TMEM184A: variants seen among roughly 807,000 people sequenced by gnomAD.
TMEM184A encodes sexually dimorphic, expressed in male gonads 1.
A neutral mutation model predicts 39.5 loss-of-function variants in TMEM184A; 40 were observed. The ratio of observed to expected loss-of-function variants is 1.01; its 90% confidence interval spans 0.79 to 1.32. TMEM184A has a LOEUF of 1.32. TMEM184A is among the 40% of genes most tolerant of loss of function. The probability of loss-of-function intolerance (pLI) is 0.00; values close to 1 mark genes in which losing one functional copy is unlikely to be tolerated. For synonymous variants in TMEM184A, 280 were observed against 252.3 expected, an observed-to-expected ratio of 1.11 and a Z score of -1.04; for missense variants, 603 against 568.8, an observed-to-expected ratio of 1.06 and a Z score of -0.61.
At position 1,551,268 on chromosome 7, in the gene TMEM184A, TGGGCGCAGGA is replaced by T. The variant is rs1408156763; in HGVS notation, c.220-296_220-287del. ...AGGTGAGCCGGGAAGGAGGTGGGGGTGGGCGCAGGAGGGTTCGGGTGAGAGCCAGGTCCGC... is the reference window on the plus strand; with the variant it reads ...AGGTGAGCCGGGAAGGAGGTGGGGGTGGGTTCGGGTGAGAGCCAGGTCCGC... On this transcript the variant is annotated intron_variant, in intron 2 of 8. Transcript: ENST00000297477. Among the ~76,000 whole-genome samples the T allele has an allele frequency of 3.8e-4, 39 of 101,488 alleles. 1 individual carries two copies. The highest frequency in any genetic ancestry group is 1.3e-3 in the African/African-American group (34 of 25,738). 66.6% of individuals were successfully genotyped at this position (101,488 alleles called of 152,430 possible). A position where few individuals can be genotyped will look rare whatever the true frequency, so the allele number is the denominator to read the frequency against.
chr7:1,554,062 C>A (rs551897958), intron 2 of TMEM184A, among the ~76,000 whole-genome samples: 1 of 152,110 alleles, frequency 6.6e-6, no homozygotes. Context: ...GGGCCTGCCT[C>A]GGCACTGCCT....
Position 1,548,608 on chromosome 7 carries a change from T to C in TMEM184A, c.725A>G (p.Tyr242Cys), listed in dbSNP as rs1406186491. ...SLALYALFLF[Y>C]FTTRELLRPF... ...CCGCAGGAGCTCCCTGGTGGTGAAGTAGAAGAGGAACAGGGCGTAGAGGGC... is the reference window on the plus strand; with the variant it reads ...CCGCAGGAGCTCCCTGGTGGTGAAGCAGAAGAGGAACAGGGCGTAGAGGGC... Residue 242 changes from tyrosine to cysteine, a missense_variant, in exon 7 of 9, where the codon TAC becomes TGC. By Grantham distance (194) the Tyr-to-Cys change is radical. Coordinates refer to ENST00000297477, the MANE Select transcript of TMEM184A (RefSeq NM_001097620.2). 1.9e-6 allele frequency: 3 copies of C among 1,613,632 alleles called. No homozygotes were observed. Among genetic ancestry groups the C allele is most frequent in the African/African-American group, 1.3e-5 (1 of 74,844 alleles).
intron 6 of TMEM184A, 104 bp from the exon 7 acceptor site, chr7:1,548,792 C>CT: frequency 3.1e-5 from 42 of 1,370,758 alleles, no homozygotes; most frequent in Non-Finnish European, 4.3e-5. Flanking sequence ...CCACCCTGAG[C>CT]TTGGGAGCAT....
rs1416415519 is a variant in TMEM184A at position 1,547,188 on chromosome 7, G to A, written c.1013-7C>T. 2 of 1,542,896 alleles carry A rather than the reference G, an allele frequency of 1.3e-6. No individual in the cohort carries two copies. Among genetic ancestry groups the A allele is most frequent in the South Asian group, 1.1e-5 (1 of 89,024 alleles). On this transcript the variant is annotated splice_polypyrimidine_tract_variant and splice_region_variant and intron_variant, in intron 8 of 8. Transcript: ENST00000297477. ...TGCATGGGTGCCGGGGGGGCTGGGG[G>A]AGGGCAGTGTATGAGCCCCACCATC... is the stretch of plus-strand genomic sequence containing the variant.
At chr7:1,547,250 C>A in intron 8 of TMEM184A, 69 bp from the exon 9 acceptor site, 1 of 884,104 alleles carries the variant, frequency 1.1e-6, no homozygotes, top group East Asian at 2.5e-5. Flanking sequence ...AGTCCCCTCC[C>A]AGGATGCCCA....
chr7:1,548,053 T>A (rs1439195330), intron 7 of TMEM184A, 114 bp from the exon 8 acceptor site: 15 of 1,185,566 alleles, frequency 1.3e-5, no homozygotes, highest in Non-Finnish European at 1.8e-5. Context: ...GTCCGTGTAG[T>A]CTCGTCCCAC....
chr7:1,555,307 C>A lies in TMEM184A; in HGVS notation c.178G>T (p.Gly60Trp). The A allele has an allele frequency of 6.2e-7, 1 of 1,607,762 alleles. No individual in the cohort carries two copies. The part of the protein sequence containing the change: ...LTSALARGVS[G>W]IFVWTALVLT... ...ACCAGGGCAGTCCACACGAAGATCC[C>A]CGAGACGCCTCGGGCCAGTGCGGAG... The change falls in exon 2 of 9, where the codon GGG becomes TGG. Residue 60 changes from glycine to tryptophan, a missense_variant. Coordinates refer to ENST00000297477, the MANE Select transcript of TMEM184A (RefSeq NM_001097620.2). This position sits in a 1 kb window ranked among gnomAD's most constrained non-coding sequence, Gnocchi z 5.2.
In TMEM184A at chr7:1,546,819, G is replaced by C; in HGVS notation, c.*133C>G. 1 of 615,044 alleles carries C rather than the reference G, an allele frequency of 1.6e-6. No homozygotes were observed. Among genetic ancestry groups the C allele is most frequent in the South Asian group, 2.3e-5 (1 of 44,092 alleles). The allele number at this position is 615,044 out of a possible 1,614,324, so 38.1% of individuals were successfully genotyped here. A position where few individuals can be genotyped will look rare whatever the true frequency, so the allele number is the denominator to read the frequency against. On this transcript the variant is annotated 3_prime_UTR_variant, in exon 9 of 9. Transcript: ENST00000297477. The stretch of plus-strand genomic sequence containing the variant: ...TGGCTGGAGGGAGGATGGGAAGTGG[G>C]CTCCGAGGGCCTCACAGGTGGGCTC...
Position 1,542,409 on chromosome 7 carries a change from C to G in TMEM184A, c.*4543G>C, listed in dbSNP as rs1475668966. On this transcript the variant is annotated 3_prime_UTR_variant, in exon 9 of 9. Coordinates refer to ENST00000297477, the MANE Select transcript of TMEM184A (RefSeq NM_001097620.2). The stretch of plus-strand genomic sequence containing the variant: ...CCGTCCCCCTTCATCTCCCCACGGA[C>G]TGTACCAGGCAGCTGGGCCCCGCAG... 1 of 152,650 alleles carries G rather than the reference C, an allele frequency of 6.6e-6. No individual in the cohort carries two copies. The highest frequency in any genetic ancestry group is 1.5e-5 in the Non-Finnish European group (1 of 68,078). 9.5% of individuals were successfully genotyped at this position (152,650 alleles called of 1,614,324 possible). A position where few individuals can be genotyped will look rare whatever the true frequency, so the allele number is the denominator to read the frequency against.
At position 1,542,565 on chromosome 7, in the gene TMEM184A, G is replaced by C. The variant is rs11544235; in HGVS notation, c.*4387C>G. 1 of 152,288 alleles carries C rather than the reference G, an allele frequency of 6.6e-6. No homozygotes were observed. The highest frequency in any genetic ancestry group is 1.5e-5 in the Non-Finnish European group (1 of 68,046). The allele number at this position is 152,288 out of a possible 1,614,324, so 9.4% of individuals were successfully genotyped here. A position where few individuals can be genotyped will look rare whatever the true frequency, so the allele number is the denominator to read the frequency against. On this transcript the variant is annotated 3_prime_UTR_variant, in exon 9 of 9. Coordinates refer to ENST00000297477, the MANE Select transcript of TMEM184A (RefSeq NM_001097620.2). ...GGAGAAGGGACTCCCTGGTCCCCAGGGTGGACGGAGCCGCTGTCACCGCCC... is the reference window on the plus strand; with the variant it reads ...GGAGAAGGGACTCCCTGGTCCCCAGCGTGGACGGAGCCGCTGTCACCGCCC...
intron 8 of TMEM184A, 123 bp from the exon 9 acceptor site, chr7:1,547,304 AG>A: frequency 1.5e-6 from 1 of 653,440 alleles, no homozygotes. Flanking sequence ...CGGCCAGCAG[AG>A]GGTGGCCCCA....
rs376913119 is a variant in TMEM184A, at chr7:1,546,951, C to T, written c.*1G>A. On this transcript the variant is annotated 3_prime_UTR_variant, in exon 9 of 9. Transcript: ENST00000297477. ...CTACAGCACTGGCAGCCCAGGCCCCCCTACAGGTCCTCCGAGGGGATCAGC... is the reference window on the plus strand; with the variant it reads ...CTACAGCACTGGCAGCCCAGGCCCCTCTACAGGTCCTCCGAGGGGATCAGC... The T allele has an allele frequency of 3.1e-5, 49 of 1,560,828 alleles. No individual in the cohort carries two copies. Among genetic ancestry groups the T allele is most frequent in the Non-Finnish European group, 3.9e-5 (45 of 1,161,622 alleles).
In TMEM184A at chr7:1,546,948, C is replaced by A. The variant is rs781643649; in HGVS notation, c.*4G>T. 6.5e-7 allele frequency: 1 copy of A among 1,547,966 alleles called. No individual in the cohort carries two copies. Among genetic ancestry groups the A allele is most frequent in the South Asian group, 1.2e-5 (1 of 83,358 alleles). ...TCCCTACAGCACTGGCAGCCCAGGC[C>A]CCCCTACAGGTCCTCCGAGGGGATC... On this transcript the variant is annotated 3_prime_UTR_variant, in exon 9 of 9. Coordinates refer to ENST00000297477, the MANE Select transcript of TMEM184A (RefSeq NM_001097620.2).
Position 1,548,511 on chromosome 7 carries a change from CCA to C in TMEM184A, c.814+6_814+7del. 6.2e-7 allele frequency: 1 copy of C among 1,609,764 alleles called. No homozygotes were observed. Among genetic ancestry groups the C allele is most frequent in the Non-Finnish European group, 8.5e-7 (1 of 1,177,952 alleles). On this transcript the variant is annotated splice_donor_region_variant and intron_variant, in intron 7 of 8. Transcript: ENST00000297477. ...CGGTAGCACCCCTGCCCCACCTGCC[CCA>C]CACACCTTGCCAGAACGACAGGAAG...
At position 1,548,568 on chromosome 7, in the gene TMEM184A, G is replaced by A. The variant is rs1449343502; in HGVS notation, c.765C>T (p.Val255=). The A allele has an allele frequency of 1.2e-6, 2 of 1,613,838 alleles. No individual in the cohort carries two copies. Among genetic ancestry groups the A allele is most frequent in the Admixed American group, 1.7e-5 (1 of 60,018 alleles). ...TRELLRPFQP[V]LKFLTIKAVI... ...CGGCTTTGATGGTGAGGAACTTGAGGACGGGCTGGAAGGGCCGCAGGAGCT... is the reference window on the plus strand; with the variant it reads ...CGGCTTTGATGGTGAGGAACTTGAGAACGGGCTGGAAGGGCCGCAGGAGCT... The change falls in exon 7 of 9, where the codon GTC becomes GTT. Residue 255 remains valine (V), a synonymous_variant. Coordinates refer to ENST00000297477, the MANE Select transcript of TMEM184A (RefSeq NM_001097620.2).
intron 2 of TMEM184A, among the ~76,000 whole-genome samples, chr7:1,551,658 C>T (rs923268554): frequency 1.3e-5 from 2 of 151,946 alleles, no homozygotes; most frequent in African/African-American, 2.4e-5. Flanking sequence ...TTTTTATGGC[C>T]GGGTGCAGTG....
intron 2 of TMEM184A, among the ~76,000 whole-genome samples, chr7:1,552,230 C>T (rs1371515259): frequency 3.3e-5 from 5 of 152,118 alleles, no homozygotes; most frequent in Non-Finnish European, 7.3e-5. Flanking sequence ...CTCCTGCCTC[C>T]GTCTCCCAAA....
chr7:1,553,233 A>T (rs1294815717), intron 2 of TMEM184A, among the ~76,000 whole-genome samples: 1 of 151,702 alleles, frequency 6.6e-6, no homozygotes, highest in Non-Finnish European at 1.5e-5. Context: ...ACTCACTGCA[A>T]CCTCCGCCTC....
In TMEM184A at chr7:1,550,403, G is replaced by A. The variant is rs1262324717; in HGVS notation, c.386-8C>T. The A allele has an allele frequency of 1.9e-6, 3 of 1,608,488 alleles. No homozygotes were observed. The highest frequency in any genetic ancestry group is 2.2e-5 in the South Asian group (2 of 90,592). ...AGCTGTAAATGACAAAGGCTGCAGG[G>A]AGCACAGAGGGGGACCGGCTGTGAG... On this transcript the variant is annotated splice_polypyrimidine_tract_variant and splice_region_variant and intron_variant, in intron 3 of 8. Transcript: ENST00000297477.
Sources: allele counts gnomAD v4.1 joint callset (sites outside exome capture counted in the v4.1 genomes callset), GRCh38; gene constraint gnomAD v4.1.1; non-coding constraint Gnocchi (gnomAD v3.1); transcripts MANE v1.5; gene names NCBI Gene and HGNC (gene_info 2026-07-23, HGNC 2026-07-21).